KCNH8: variants seen among roughly 807,000 people sequenced by gnomAD.
KCNH8 encodes the protein potassium voltage-gated channel subfamily H member 8.
A neutral mutation model predicts 103.6 loss-of-function variants in KCNH8; 70 were observed. That is an observed-to-expected ratio of 0.68 (90% CI 0.56 to 0.82). The LOEUF is 0.82. Among genes scored for constraint, KCNH8 ranks in the 40% least tolerant of loss-of-function variants. The pLI, the probability that KCNH8 is intolerant of heterozygous loss-of-function variation, is 0.00. For synonymous variants in KCNH8, 498 were observed against 489.4 expected, an observed-to-expected ratio of 1.02 and a Z score of -0.23; for missense variants, 1,217 against 1,329.9, an observed-to-expected ratio of 0.92 and a Z score of 1.32.
intron 11 of KCNH8, among the ~76,000 whole-genome samples, chr3:19,500,193 C>T (rs541339964): frequency 9.2e-5 from 14 of 152,178 alleles, no homozygotes; most frequent in South Asian, 6.2e-4. Flanking sequence ...AGACAAAGAA[C>T]GCCATTACTT....
intron 11 of KCNH8, among the ~76,000 whole-genome samples, chr3:19,457,199 T>G (rs1414569523): frequency 6.6e-6 from 1 of 152,038 alleles, no homozygotes; most frequent in East Asian, 1.9e-4. Flanking sequence ...ATGAATGACT[T>G]CTCAACTCAG....
At chr3:19,416,979 T>C (rs896074649) in intron 7 of KCNH8, among the ~76,000 whole-genome samples, 5 of 152,010 alleles carry the variant, frequency 3.3e-5, no homozygotes, top group African/African-American at 7.2e-5. Context: ...TTAAGAGTTA[T>C]AGCCTGTGCC....
At chr3:19,284,906 G>GAAAA (rs1460415883) in intron 3 of KCNH8, among the ~76,000 whole-genome samples, 17 of 148,286 alleles carry the variant, frequency 1.1e-4, no homozygotes, top group South Asian at 6.3e-4. Flanking sequence ...GAAAAGAAAA[G>GAAAA]GAAAGAAAGA....
At chr3:19,233,609 A>G (rs1441602113) in intron 1 of KCNH8, among the ~76,000 whole-genome samples, 2 of 152,202 alleles carry the variant, frequency 1.3e-5, no homozygotes, top group Admixed American at 6.5e-5. Context: ...TTGATGAGAA[A>G]AAAACATCAG....
chr3:19,337,229 T>C (rs1182645551), intron 3 of KCNH8, among the ~76,000 whole-genome samples: 2 of 152,214 alleles, frequency 1.3e-5, no homozygotes, highest in Admixed American at 6.6e-5. Flanking sequence ...TGCTTTTTTT[T>C]CCCTTTCAGT....
At chr3:19,257,733 A>C (rs1308950047) in intron 2 of KCNH8, among the ~76,000 whole-genome samples, 3 of 152,100 alleles carry the variant, frequency 2.0e-5, no homozygotes, top group Non-Finnish European at 2.9e-5. Flanking sequence ...TCTGCAAAAA[A>C]TATTATTGTG....
In KCNH8 at chr3:19,342,611, C is replaced by G. The variant is rs778537258; in HGVS notation, c.467C>G (p.Ala156Gly). ...KEDKVKGRSRAGTHFDSARRR... is the reference protein window; with the variant it reads ...KEDKVKGRSRGGTHFDSARRR... ...GACAAAGTCAAAGGAAGATCAAGAG[C>G]AGGGACCCACTTTGACTCAGCCCGG... Residue 156 changes from alanine to glycine, a missense_variant, in exon 4 of 16, where the codon GCA (alanine) becomes GGA (glycine). Ala to Gly is a moderately conservative substitution (Grantham distance 60). Transcript: ENST00000328405. 1.9e-6 allele frequency: 3 copies of G among 1,610,454 alleles called. No homozygotes were observed. The highest frequency in any genetic ancestry group is 2.5e-6 in the Non-Finnish European group (3 of 1,177,540).
intron 7 of KCNH8, among the ~76,000 whole-genome samples, chr3:19,413,815 C>A (rs998569463): frequency 6.6e-6 from 1 of 151,998 alleles, no homozygotes; most frequent in Non-Finnish European, 1.5e-5. Context: ...CAAAAGAGTT[C>A]ATCTGAAAAA....
chr3:19,501,184 G>T (rs1047250021), intron 11 of KCNH8, among the ~76,000 whole-genome samples: 1 of 151,674 alleles, frequency 6.6e-6, no homozygotes, highest in Admixed American at 6.6e-5. Context: ...TAGAAAAAAT[G>T]GATAAATTCC....
intron 14 of KCNH8, among the ~76,000 whole-genome samples, chr3:19,516,768 T>G (rs762975772): frequency 6.6e-6 from 1 of 152,048 alleles, no homozygotes; most frequent in Non-Finnish European, 1.5e-5. Flanking sequence ...CTACCATTAC[T>G]GCTACCACTC....
Position 19,412,033 on chromosome 3 carries a change from G to GA in KCNH8, c.1177+16730dup, listed in dbSNP as rs1230971471. 2.0e-5 allele frequency among the ~76,000 whole-genome samples: 3 copies of GA among 151,348 alleles called. No homozygotes were observed. In the South Asian group the frequency reaches 6.3e-4, roughly 32 times the overall value. Reference sequence around the variant, plus strand: ...GAATTATTTAAAAAAAATAGAATTAGAAAAAAAATTCTAAAATGTATATGG... The same window carrying GA: ...GAATTATTTAAAAAAAATAGAATTAGAAAAAAAAATTCTAAAATGTATATGG... On this transcript the variant is annotated intron_variant, in intron 7 of 15. Transcript: ENST00000328405.
chr3:19,211,922 T>G (rs2063775293), intron 1 of KCNH8, among the ~76,000 whole-genome samples: 1 of 152,196 alleles, frequency 6.6e-6, no homozygotes, highest in Non-Finnish European at 1.5e-5. Context: ...TTGGGTGGTA[T>G]GTTAATCACT....
chr3:19,270,174 G>C (rs912325450), intron 2 of KCNH8, among the ~76,000 whole-genome samples: 1 of 151,996 alleles, frequency 6.6e-6, no homozygotes, highest in Non-Finnish European at 1.5e-5. Flanking sequence ...TTAATGTATT[G>C]TCTATTACTC....
intron 1 of KCNH8, among the ~76,000 whole-genome samples, chr3:19,176,443 T>C (rs1308278625): frequency 6.6e-6 from 1 of 152,162 alleles, no homozygotes; most frequent in East Asian, 1.9e-4. Context: ...GTGTTGGATA[T>C]ATCTGAAAAT....
intron 3 of KCNH8, among the ~76,000 whole-genome samples, chr3:19,327,138 TCA>T (rs2065435247): frequency 6.6e-6 from 1 of 152,188 alleles, no homozygotes; most frequent in Non-Finnish European, 1.5e-5. Flanking sequence ...AGTCCAGAAG[TCA>T]CACACAGTCT....
chr3:19,476,159 T>C (rs1282293639), intron 11 of KCNH8, among the ~76,000 whole-genome samples: 3 of 152,208 alleles, frequency 2.0e-5, no homozygotes, highest in South Asian at 4.1e-4. Context: ...CATGACCCTC[T>C]ATTAGCCCTC....
At chr3:19,168,056 G>T (rs1425445765) in intron 1 of KCNH8, among the ~76,000 whole-genome samples, 1 of 150,922 alleles carries the variant, frequency 6.6e-6, no homozygotes. Flanking sequence ...TGTCACCCAG[G>T]CTGGAGTGCA....
At chr3:19,276,175 A>ATATG (rs142679326) in intron 2 of KCNH8, among the ~76,000 whole-genome samples, 1 of 141,988 alleles carries the variant, frequency 7.0e-6, no homozygotes, top group South Asian at 2.3e-4. Flanking sequence ...CAATATGTAT[A>ATATG]TGTGTGTGTG....
chr3:19,436,366 G>T (rs1411470538), intron 7 of KCNH8, among the ~76,000 whole-genome samples: 1 of 152,108 alleles, frequency 6.6e-6, no homozygotes, highest in Non-Finnish European at 1.5e-5. Context: ...ATAAAAAAAT[G>T]ATTGGATTCC....
Sources: gnomAD v4.1 joint callset for allele counts (sites outside exome capture counted in the v4.1 genomes callset) on GRCh38, gnomAD v4.1.1 for gene constraint, MANE v1.5 for transcripts, NCBI Gene and HGNC (gene_info 2026-07-23, HGNC 2026-07-21) for gene names.